The following TCN2 variants were observed in gnomAD, a reference collection of about 807,000 sequenced individuals.
TCN2 encodes the protein transcobalamin-2.
TCN2 carries 34 observed loss-of-function variants against 48.6 expected under a neutral mutation model. The observed-to-expected ratio is 0.70, with a 90% confidence interval of 0.53 to 0.93. TCN2 has a LOEUF of 0.93. Among genes scored for constraint, TCN2 ranks in the 40% least tolerant of loss-of-function variants. The pLI is 0.00. For missense variants in TCN2, 652 were observed against 526.1 expected (o/e 1.24, Z -2.34); for synonymous variants, 283 against 212.5 (o/e 1.33, Z -2.89).
At chr22:30,615,504 C>A in intron 5 of TCN2, 31 bp downstream of exon 5, 1 of 1,610,134 alleles carries the variant, frequency 6.2e-7, no homozygotes. Flanking sequence ...CCATGGCCAC[C>A]CTGGGGAACA....
intron 4 of TCN2, among the ~76,000 whole-genome samples, chr22:30,614,891 AGAGT>A (rs1334247201): frequency 3.5e-4 from 54 of 152,308 alleles, no homozygotes; most frequent in African/African-American, 1.2e-3. Flanking sequence ...CCTGGGCAAC[AGAGT>A]GAGTGAGACT....
chr22:30,614,587 A>T, intron 4 of TCN2, 86 bp downstream of exon 4: 2 of 1,570,476 alleles, frequency 1.3e-6, no homozygotes, highest in South Asian at 1.1e-5. Context: ...CCTGGCCCCC[A>T]CACTCACCTT....
chr22:30,607,280 C>T lies in TCN2; in HGVS notation c.-52C>T. On this transcript the variant is annotated 5_prime_UTR_variant, in exon 1 of 9. Coordinates refer to ENST00000215838, the MANE Select transcript of TCN2 (RefSeq NM_000355.4). ...GTCAGGAGAGCCTCAGCAGGGCCAG[C>T]CCCAGGAGTCTTTCCCGATTCTTGC... is the stretch of plus-strand genomic sequence containing the variant. The T allele has an allele frequency of 1.2e-6, 2 of 1,606,620 alleles. No individual in the cohort carries two copies. The highest frequency in any genetic ancestry group is 1.1e-5 in the South Asian group (1 of 90,932).
intron 8 of TCN2, among the ~76,000 whole-genome samples, chr22:30,626,196 C>G (rs1167829075): frequency 6.6e-6 from 1 of 152,140 alleles, no homozygotes; most frequent in Non-Finnish European, 1.5e-5. Context: ...GTTTCTCTTC[C>G]TGATGGTCCC....
intron 7 of TCN2, among the ~76,000 whole-genome samples, chr22:30,621,444 A>G (rs1270274013): frequency 6.7e-6 from 1 of 150,288 alleles, no homozygotes; most frequent in East Asian, 1.9e-4. Flanking sequence ...AGTCATTTGC[A>G]TTCTCCCAGA....
Position 30,618,384 on chromosome 22 carries a change from C to T in TCN2, c.1106+889C>T, listed in dbSNP as rs576359034. On this transcript the variant is annotated intron_variant, in intron 7 of 8. Coordinates refer to ENST00000215838, the MANE Select transcript of TCN2 (RefSeq NM_000355.4). ...TTATTTATTTCGAGACAGAGCCTCT[C>T]TCTTTCACCTAGGCTGGAGTGCAGT... 2.6e-5 allele frequency among the ~76,000 whole-genome samples: 4 copies of T among 151,936 alleles called. 1 individual carries two copies. The South Asian group carries it at 6.2e-4, about 24-fold the overall frequency.
chr22:30,616,012 A>G (rs185636416), intron 6 of TCN2, among the ~76,000 whole-genome samples: 281 of 149,524 alleles, frequency 1.9e-3, no homozygotes, highest in African/African-American at 6.3e-3. Context: ...TGTGATACCC[A>G]GTACAGAAAT....
At chr22:30,620,256 A>C (rs1331297601) in intron 7 of TCN2, among the ~76,000 whole-genome samples, 1 of 152,226 alleles carries the variant, frequency 6.6e-6, no homozygotes, top group Non-Finnish European at 1.5e-5. Flanking sequence ...GTTCAAAACC[A>C]GCCGGGCCAA....
chr22:30,626,805 A>G lies in TCN2; in HGVS notation c.*284A>G, dbSNP rs1000908376. On this transcript the variant is annotated 3_prime_UTR_variant, in exon 9 of 9. Coordinates refer to ENST00000215838, the MANE Select transcript of TCN2 (RefSeq NM_000355.4). The stretch of plus-strand genomic sequence containing the variant: ...AAGGCCACCCCATGGTCTGATGGGC[A>G]TGAAGCATCTCAGACTCCTTGGCAA... 3.3e-5 allele frequency: 18 copies of G among 550,920 alleles called. No homozygotes were observed. The highest frequency in any genetic ancestry group is 1.5e-4 in the African/African-American group (8 of 52,846). The allele number at this position is 550,920 out of a possible 1,614,324, so 34.1% of individuals were successfully genotyped here. A position where few individuals can be genotyped will look rare whatever the true frequency, so the allele number is the denominator to read the frequency against.
intron 2 of TCN2, among the ~76,000 whole-genome samples, chr22:30,611,584 C>T (rs1163789136): frequency 2.0e-5 from 3 of 152,218 alleles, no homozygotes; most frequent in Non-Finnish European, 2.9e-5. Context: ...CTTGGCTTGC[C>T]CCAACCTCCA....
At chr22:30,611,409 T>C (rs1273528166) in intron 2 of TCN2, among the ~76,000 whole-genome samples, 1 of 152,230 alleles carries the variant, frequency 6.6e-6, no homozygotes. Context: ...TGCAGTCTTC[T>C]ACATTGAGCT....
At position 30,610,943 on chromosome 22, in the gene TCN2, C is replaced by T; in HGVS notation, c.137C>T (p.Ser46Phe). 2 of 1,614,202 alleles carry T rather than the reference C, an allele frequency of 1.2e-6. No individual in the cohort carries two copies. The highest frequency in any genetic ancestry group is 8.5e-7 in the Non-Finnish European group (1 of 1,180,038). The change falls in exon 2 of 9, where the codon TCC (serine) becomes TTC (phenylalanine). Residue 46 changes from serine (S) to phenylalanine (F), a missense_variant. By Grantham distance (155) the Ser-to-Phe change is radical. Coordinates refer to ENST00000215838, the MANE Select transcript of TCN2 (RefSeq NM_000355.4). ...QHLLPWMDRL[S>F]LEHLNPSIYV... ...CTCTTACCTTGGATGGACCGGCTTT[C>T]CCTGGAGCACTTGAACCCCAGCATC... is the stretch of plus-strand genomic sequence containing the variant.
intron 6 of TCN2, among the ~76,000 whole-genome samples, 154 bp from the exon 7 acceptor site, chr22:30,617,176 G>C (rs1020618813): frequency 6.6e-6 from 1 of 152,084 alleles, no homozygotes; most frequent in African/African-American, 2.4e-5. Flanking sequence ...CGGGATGGAA[G>C]CCAGGTTTCA....
rs1319202155 is a variant in TCN2 at position 30,614,523 on chromosome 22, A to G, written c.580+22A>G. On this transcript the variant is annotated intron_variant, in intron 4 of 8. Coordinates refer to ENST00000215838, the MANE Select transcript of TCN2 (RefSeq NM_000355.4). ...GTGGGTGAGTAGGTCAGACCGTGCC[A>G]AGGCCAGGCTGGCACTCCCTCAGTC... 4.3e-6 allele frequency: 7 copies of G among 1,613,902 alleles called. No homozygotes were observed. The South Asian group carries it at 7.7e-5, about 18-fold the overall frequency.
Position 30,615,601 on chromosome 22 carries a change from T to C in TCN2, c.754T>C (p.Phe252Leu). Residue 252 changes from phenylalanine (F) to leucine (L), a missense_variant and splice_region_variant, in exon 6 of 9, where the codon TTC (phenylalanine) becomes CTC (leucine). Transcript: ENST00000215838. ...NVYSTPLALQ[F>L]LMTSPMRGAE... is the part of the protein sequence containing the mutation. ...TCTCTCTTCCTCACTCTATCACCAG[T>C]TCCTCATGACTTCCCCCATGCGTGG... 2 of 1,614,100 alleles carry C rather than the reference T, an allele frequency of 1.2e-6. No individual in the cohort carries two copies. Among genetic ancestry groups the C allele is most frequent in the Non-Finnish European group, 8.5e-7 (1 of 1,180,002 alleles).
chr22:30,611,022 C>T lies in TCN2; in HGVS notation c.216C>T (p.Tyr72=), dbSNP rs772065102. The change falls in exon 2 of 9, where the codon TAC becomes TAT. Residue 72 remains tyrosine, a synonymous_variant. Transcript: ENST00000215838. ...SLQAGTKEDL[Y]LHSLKLGYQQ... is the part of the protein sequence containing the mutation. ...AGGCTGGGACCAAGGAAGACCTCTACCTGCACAGCCTCAAGCTTGGTTACC... is the reference window on the plus strand; with the variant it reads ...AGGCTGGGACCAAGGAAGACCTCTATCTGCACAGCCTCAAGCTTGGTTACC... 1 of 1,614,140 alleles carries T rather than the reference C, an allele frequency of 6.2e-7. No individual in the cohort carries two copies. The highest frequency in any genetic ancestry group is 2.2e-5 in the East Asian group (1 of 44,874).
intron 6 of TCN2, 72 bp downstream of exon 6, chr22:30,615,859 A>G: frequency 6.3e-7 from 1 of 1,586,858 alleles, no homozygotes; most frequent in Middle Eastern, 1.7e-4. Flanking sequence ...CAGTGAGGGG[A>G]GGTTGCTTCA....
In TCN2 at chr22:30,617,488, G is replaced by C; in HGVS notation, c.1099G>C (p.Gly367Arg). The change falls in exon 7 of 9, where the codon GGA (glycine) becomes CGA (arginine). Residue 367 changes from glycine to arginine, a missense_variant. Coordinates refer to ENST00000215838, the MANE Select transcript of TCN2 (RefSeq NM_000355.4). ...CCTGAAGAAGGCCCATGAGTTAGGAGGATTCACGTGAGACTCCCACCTCCC... is the reference window on the plus strand; with the variant it reads ...CCTGAAGAAGGCCCATGAGTTAGGACGATTCACGTGAGACTCCCACCTCCC... ...DVLKKAHELG[G>R]FTYETQASLS... The C allele has an allele frequency of 6.2e-7, 1 of 1,614,128 alleles. No homozygotes were observed. Among genetic ancestry groups the C allele is most frequent in the Non-Finnish European group, 8.5e-7 (1 of 1,180,026 alleles).
intron 7 of TCN2, among the ~76,000 whole-genome samples, chr22:30,620,846 C>T (rs2087686678): frequency 6.6e-6 from 1 of 152,182 alleles, no homozygotes; most frequent in Non-Finnish European, 1.5e-5. Flanking sequence ...GAAAGCTCAA[C>T]TGCAGACACA....
Sources: gnomAD v4.1 joint callset for allele counts (sites outside exome capture counted in the v4.1 genomes callset) on GRCh38, gnomAD v4.1.1 for gene constraint, MANE v1.5 for transcripts, NCBI Gene and HGNC (gene_info 2026-07-23, HGNC 2026-07-21) for gene names.